CREB5: variants seen among roughly 807,000 people sequenced by gnomAD.
CREB5 encodes cyclic AMP-responsive element-binding protein 5.
CREB5 carries 19 observed loss-of-function variants against 57.1 expected under a neutral mutation model. The ratio of observed to expected loss-of-function variants is 0.33; its 90% confidence interval spans 0.23 to 0.49. The LOEUF (loss-of-function observed/expected upper bound fraction) is 0.49. Among genes scored for constraint, CREB5 ranks in the 20% least tolerant of loss-of-function variants. The pLI, the probability that CREB5 is intolerant of heterozygous loss-of-function variation, is 0.99. For synonymous variants in CREB5, 238 were observed against 238.3 expected (o/e 1.00, Z 0.01); for missense variants, 579 against 671.6 (o/e 0.86, Z 1.52).
intron 1 of CREB5, among the ~76,000 whole-genome samples, chr7:28,325,305 A>G (rs1426404504): frequency 6.6e-6 from 1 of 152,180 alleles, no homozygotes; most frequent in Non-Finnish European, 1.5e-5. Flanking sequence ...ACTACAAAAA[A>G]TTAGCCAGGC....
intron 1 of CREB5, among the ~76,000 whole-genome samples, chr7:28,378,753 T>C (rs1786898680): frequency 6.6e-6 from 1 of 152,226 alleles, no homozygotes; most frequent in South Asian, 2.1e-4. Context: ...GGATAGGCAA[T>C]GATTCATCAA....
intron 5 of CREB5, among the ~76,000 whole-genome samples, chr7:28,616,806 T>G (rs1048830489): frequency 1.3e-5 from 2 of 152,258 alleles, no homozygotes; most frequent in Admixed American, 6.5e-5. Context: ...AAGTCCATGT[T>G]AGGAAACTTA....
chr7:28,565,592 T>A (rs947269003), intron 4 of CREB5, among the ~76,000 whole-genome samples: 1 of 152,222 alleles, frequency 6.6e-6, no homozygotes, highest in Non-Finnish European at 1.5e-5. Flanking sequence ...GTATTCAAAT[T>A]GTAATTATTA....
At chr7:28,705,435 G>C (rs915569786) in intron 5 of CREB5, among the ~76,000 whole-genome samples, 12 of 151,726 alleles carry the variant, frequency 7.9e-5, no homozygotes, top group African/African-American at 2.2e-4. Context: ...AGGGATTTTT[G>C]GGGGAACACT....
At chr7:28,439,158 C>T (rs1232750238) in intron 1 of CREB5, among the ~76,000 whole-genome samples, 2 of 152,138 alleles carry the variant, frequency 1.3e-5, no homozygotes, top group Admixed American at 6.5e-5. Context: ...AGACCTTACA[C>T]CATCCTCTGT....
chr7:28,513,784 A>G (rs902072898), intron 4 of CREB5: 2 of 152,216 alleles, frequency 1.3e-5, no homozygotes, highest in African/African-American at 4.8e-5. Context: ...TAATGAGTAC[A>G]ATCTTAGCAG....
intron 5 of CREB5, among the ~76,000 whole-genome samples, chr7:28,649,554 A>G (rs750728439): frequency 1.3e-5 from 2 of 152,226 alleles, no homozygotes; most frequent in Non-Finnish European, 2.9e-5. Context: ...CAGATGACAT[A>G]TAGTATGGGT....
chr7:28,651,649 G>A (rs1023837801), intron 5 of CREB5, among the ~76,000 whole-genome samples: 5 of 151,970 alleles, frequency 3.3e-5, no homozygotes, highest in Non-Finnish European at 5.9e-5. Flanking sequence ...TCTTTCTTTC[G>A]CCGGGCACTT....
At chr7:28,413,833 T>G (rs540847282) in intron 1 of CREB5, among the ~76,000 whole-genome samples, 1 of 152,250 alleles carries the variant, frequency 6.6e-6, no homozygotes, top group South Asian at 2.1e-4. Flanking sequence ...GTTTAAGATT[T>G]TTGTTACAAT....
At chr7:28,557,692 G>GC (rs1182764172) in intron 4 of CREB5, among the ~76,000 whole-genome samples, 1 of 152,028 alleles carries the variant, frequency 6.6e-6, no homozygotes, top group Non-Finnish European at 1.5e-5. Flanking sequence ...GAAACACTTG[G>GC]AAGAGATGAG....
intron 1 of CREB5, among the ~76,000 whole-genome samples, chr7:28,406,107 T>C (rs1373512650): frequency 6.6e-6 from 1 of 152,198 alleles, no homozygotes; most frequent in African/African-American, 2.4e-5. Flanking sequence ...TCTGCTAATG[T>C]TTGCCGAATG....
At chr7:28,756,834 G>T (rs1805343269) in intron 7 of CREB5, among the ~76,000 whole-genome samples, 1 of 152,120 alleles carries the variant, frequency 6.6e-6, no homozygotes, top group African/African-American at 2.4e-5. Flanking sequence ...GACAACAGCA[G>T]GTTTTGAGAG....
chr7:28,807,751 T>C (rs1283392940), intron 8 of CREB5, among the ~76,000 whole-genome samples: 1 of 151,974 alleles, frequency 6.6e-6, no homozygotes, highest in East Asian at 1.9e-4. Context: ...TTTATAGGTA[T>C]TACCGTCATA....
intron 5 of CREB5, among the ~76,000 whole-genome samples, chr7:28,711,445 GA>G (rs1206050671): frequency 6.6e-6 from 1 of 152,176 alleles, no homozygotes; most frequent in African/African-American, 2.4e-5. Context: ...GTTAAAAGGG[GA>G]AATATTATAT....
intron 5 of CREB5, among the ~76,000 whole-genome samples, chr7:28,584,414 T>C (rs1265723824): frequency 6.6e-6 from 1 of 151,882 alleles, no homozygotes; most frequent in Non-Finnish European, 1.5e-5. Context: ...ATCCAATGAG[T>C]GGTGTCCTTA....
chr7:28,426,575 G>A (rs1302312554), intron 1 of CREB5, among the ~76,000 whole-genome samples: 5 of 152,172 alleles, frequency 3.3e-5, no homozygotes, highest in African/African-American at 1.2e-4. Flanking sequence ...AGACACACAC[G>A]TGCACACATT....
chr7:28,510,474 C>G (rs1562765329), intron 4 of CREB5, among the ~76,000 whole-genome samples: 2 of 152,154 alleles, frequency 1.3e-5, no homozygotes, highest in Non-Finnish European at 2.9e-5. Flanking sequence ...CTTGAACTTT[C>G]TATGTGTCTT....
At chr7:28,798,365 A>AGGGGGGGTGT (rs1554300800) in intron 7 of CREB5, among the ~76,000 whole-genome samples, 8 of 142,804 alleles carry the variant, frequency 5.6e-5, no homozygotes, top group South Asian at 4.5e-4. Flanking sequence ...TAAATTGCCC[A>AGGGGGGGTGT]GGGTGGGTGT....
chr7:28,809,411 T>C lies in CREB5; in HGVS notation c.1251T>C (p.Leu417=). 1 of 1,609,516 alleles carries C rather than the reference T, an allele frequency of 6.2e-7. No homozygotes were observed. The highest frequency in any genetic ancestry group is 8.5e-7 in the Non-Finnish European group (1 of 1,177,742). The change falls in exon 9 of 11, where the codon CTT becomes CTC. Residue 417 remains leucine (L), a synonymous_variant. Coordinates refer to ENST00000357727, the MANE Select transcript of CREB5 (RefSeq NM_182898.4). The part of the protein sequence containing the change: ...AEELTQTNMQ[L]QNEVSMLKNE... ...AACTCACCCAGACAAACATGCAGCT[T>C]CAGGTGCAGCCCACGGTGTCTTTCC...
Sources: gnomAD v4.1 joint callset for allele counts (sites outside exome capture counted in the v4.1 genomes callset) on GRCh38, gnomAD v4.1.1 for gene constraint, MANE v1.5 for transcripts, NCBI Gene and HGNC (gene_info 2026-07-23, HGNC 2026-07-21) for gene names.